The following PAQR5 variants were observed in gnomAD, a reference collection of about 807,000 sequenced individuals.
PAQR5 encodes progestin and adipoQ receptor family member 5, also known as membrane progestin receptor gamma.
Under a neutral mutation model 34.5 loss-of-function variants are expected in PAQR5, and 20 were observed. The ratio of observed to expected loss-of-function variants is 0.58; its 90% CI spans 0.41 to 0.84. The LOEUF is 0.84. PAQR5 is among the 40% of genes least tolerant of loss of function. PAQR5 has a pLI of 0.00. For synonymous variants in PAQR5, 131 were observed against 155.6 expected (o/e 0.84, Z 1.18); for missense variants, 378 against 412.7 (o/e 0.92, Z 0.73).
intron 8 of PAQR5, 26 bp from the exon 9 acceptor site, chr15:69,403,555 T>C (rs766355453): frequency 2.8e-5 from 45 of 1,611,824 alleles, no homozygotes; most frequent in Non-Finnish European, 3.4e-5. Flanking sequence ...ATTGCTGATC[T>C]TGACGGCCTT....
Position 69,372,245 on chromosome 15 carries a change from T to TA in PAQR5, c.52-7631dup, listed in dbSNP as rs141408283. The stretch of plus-strand genomic sequence containing the variant: ...TCTTCTGTAAATATTGTGCTGCACG[T>TA]AAAAAAAGCATTCTTTGGCCAGGCG... On this transcript the variant is annotated intron_variant, in intron 3 of 8. Coordinates refer to ENST00000395407, the MANE Select transcript of PAQR5 (RefSeq NM_017705.4). 6.2e-3 allele frequency among the ~76,000 whole-genome samples: 947 copies of TA among 152,242 alleles called. 63 individuals are homozygous for TA. The East Asian group carries it at 0.15, about 24-fold the overall frequency.
intron 2 of PAQR5, among the ~76,000 whole-genome samples, chr15:69,353,993 G>A (rs570130301): frequency 3.2e-4 from 48 of 152,288 alleles, no homozygotes; most frequent in East Asian, 9.7e-4. Context: ...ACTCCTACCC[G>A]ACAACGGGAG....
chr15:69,382,686 A>ATG (rs2055926365), intron 4 of PAQR5, among the ~76,000 whole-genome samples: 1 of 118,378 alleles, frequency 8.4e-6, no homozygotes, highest in African/African-American at 3.8e-5. Context: ...ATATATATAT[A>ATG]TATATATATA....
intron 3 of PAQR5, chr15:69,379,673 C>A: frequency 1.2e-6 from 1 of 866,950 alleles, no homozygotes; most frequent in Non-Finnish European, 1.4e-6. Flanking sequence ...CTTGAATTCC[C>A]TCCCCCAGCT....
chr15:69,398,572 C>T (rs1400229318), intron 7 of PAQR5, among the ~76,000 whole-genome samples: 1 of 152,142 alleles, frequency 6.6e-6, no homozygotes, highest in East Asian at 1.9e-4. Flanking sequence ...GATGGCAGGG[C>T]TGAGGGACAA....
rs2053577852 is a variant in PAQR5, at chr15:69,300,935, CTCTCTTTCTTTCCTTCTTTCTT to C, written c.-277+1883_-277+1904del. On this transcript the variant is annotated intron_variant, in intron 1 of 8. Transcript: ENST00000395407. The stretch of plus-strand genomic sequence containing the variant: ...TTCCTTTCTCTCTCTCTCTCTCTCT[CTCTCTTTCTTTCCTTCTTTCTT>C]TCTTTCTTTCTTTCTTTCTTTCTTT... Among the ~76,000 whole-genome samples the C allele has an allele frequency of 9.7e-5, 3 of 30,972 alleles. 1 individual carries two copies. The highest frequency in any genetic ancestry group is 2.1e-4 in the African/African-American group (3 of 14,224). 20.3% of individuals were successfully genotyped at this position (30,972 alleles called of 152,430 possible).
Position 69,406,651 on chromosome 15 carries a change from T to G in PAQR5, c.*2829T>G, listed in dbSNP as rs2056753434. On this transcript the variant is annotated 3_prime_UTR_variant, in exon 9 of 9. Coordinates refer to ENST00000395407, the MANE Select transcript of PAQR5 (RefSeq NM_017705.4). The stretch of plus-strand genomic sequence containing the variant: ...TGGGAGGCTGAAGTGGGAGGACTGC[T>G]TGGGCCCAAGAATTCAGGACCAGTC... 1.3e-5 allele frequency: 2 copies of G among 152,254 alleles called. No individual in the cohort carries two copies. Among genetic ancestry groups the G allele is most frequent in the African/African-American group, 4.8e-5 (2 of 41,444 alleles). 9.4% of individuals were successfully genotyped at this position (152,254 alleles called of 1,614,324 possible). A position where few individuals can be genotyped will look rare whatever the true frequency, so the allele number is the denominator to read the frequency against.
rs2055187440 is a variant in PAQR5 at position 69,359,865 on chromosome 15, G to A, written c.-115-101G>A. On this transcript the variant is annotated intron_variant, in intron 2 of 8. Transcript: ENST00000395407. The stretch of plus-strand genomic sequence containing the variant: ...AGGAAGCTTGATCTTGTGCCATCAT[G>A]TGTAGCAAGTATATGTTCAATAGTT... The A allele has an allele frequency of 7.5e-6, 4 of 530,630 alleles. No individual in the cohort carries two copies. The South Asian group carries it at 9.5e-5, about 13-fold the overall frequency. The allele number at this position is 530,630 out of a possible 1,614,324, so 32.9% of individuals were successfully genotyped here. A position where few individuals can be genotyped will look rare whatever the true frequency, so the allele number is the denominator to read the frequency against.
rs59163544 is a variant in PAQR5, at chr15:69,332,024, C to T, written c.-276-5317C>T. ...CTGCAGAGAAAGAGAACCCAGAAAC[C>T]GGGTATGCCAGCAAAAAGGGTGAGA... On this transcript the variant is annotated intron_variant, in intron 1 of 8. Transcript: ENST00000395407. 5.0e-3 allele frequency among the ~76,000 whole-genome samples: 765 copies of T among 152,224 alleles called. 5 individuals are homozygous for T. The highest frequency in any genetic ancestry group is 0.017 in the African/African-American group (725 of 41,530).
intron 1 of PAQR5, among the ~76,000 whole-genome samples, chr15:69,307,304 G>A (rs545652575): frequency 6.6e-6 from 1 of 152,280 alleles, no homozygotes; most frequent in Non-Finnish European, 1.5e-5. Context: ...TTGTGTCCCT[G>A]CTCTCACTTC....
chr15:69,325,431 G>T (rs1205598464), intron 1 of PAQR5, among the ~76,000 whole-genome samples: 8 of 152,076 alleles, frequency 5.3e-5, no homozygotes, highest in African/African-American at 1.9e-4. Flanking sequence ...AATAACCACT[G>T]CTTTACTATT....
chr15:69,357,323 G>C (rs1483999852), intron 2 of PAQR5, among the ~76,000 whole-genome samples: 1 of 151,688 alleles, frequency 6.6e-6, no homozygotes, highest in Admixed American at 6.6e-5. Context: ...GAGTGTAGTG[G>C]TATGATCTCG....
intron 2 of PAQR5, among the ~76,000 whole-genome samples, chr15:69,349,099 CGGT>C: frequency 6.6e-6 from 1 of 152,034 alleles, no homozygotes; most frequent in Non-Finnish European, 1.5e-5. Context: ...GCTTGTGAGT[CGGT>C]GGACTGCGCG....
chr15:69,349,142 A>G (rs190139236), intron 2 of PAQR5, among the ~76,000 whole-genome samples: 1 of 152,186 alleles, frequency 6.6e-6, no homozygotes, highest in Non-Finnish European at 1.5e-5. Flanking sequence ...GTGGGTGGGC[A>G]CCATCCAATT....
At chr15:69,315,571 A>T (rs2053927402) in intron 1 of PAQR5, among the ~76,000 whole-genome samples, 1 of 152,172 alleles carries the variant, frequency 6.6e-6, no homozygotes, top group Non-Finnish European at 1.5e-5. Context: ...TACCACAGCC[A>T]GCCCTGGGTG....
rs761555577 is a variant in PAQR5, at chr15:69,362,843, TC to T, written c.51+2713del. ...GAACCCCGGCTCCCTCGCCTGCTGT[TC>T]ACCACCTTCACCAGCCTGATCCCTC... On this transcript the variant is annotated intron_variant, in intron 3 of 8. Transcript: ENST00000395407. 2.1e-3 allele frequency among the ~76,000 whole-genome samples: 325 copies of T among 152,292 alleles called. 2 individuals carry two copies. Among genetic ancestry groups the T allele is most frequent in the Non-Finnish European group, 3.6e-3 (246 of 68,022 alleles).
At chr15:69,313,123 T>C (rs1035224023) in intron 1 of PAQR5, among the ~76,000 whole-genome samples, 1 of 152,156 alleles carries the variant, frequency 6.6e-6, no homozygotes, top group Non-Finnish European at 1.5e-5. Flanking sequence ...AAACCTTTGT[T>C]GTATGTGTTT....
At chr15:69,304,572 A>G (rs367663879) in intron 1 of PAQR5, among the ~76,000 whole-genome samples, 13 of 152,282 alleles carry the variant, frequency 8.5e-5, no homozygotes, top group South Asian at 4.1e-4. Context: ...CCAAGGTTTA[A>G]TTCTCACCCA....
chr15:69,366,492 T>C (rs1025811121), intron 3 of PAQR5, among the ~76,000 whole-genome samples: 1 of 152,206 alleles, frequency 6.6e-6, no homozygotes, highest in Admixed American at 6.5e-5. Context: ...CTGGATCATA[T>C]GGTAACTCCA....
Sources: gnomAD v4.1 joint callset for allele counts (sites outside exome capture counted in the v4.1 genomes callset) on GRCh38, gnomAD v4.1.1 for gene constraint, MANE v1.5 for transcripts, NCBI Gene and HGNC (gene_info 2026-07-23, HGNC 2026-07-21) for gene names.